COL25A1: variants seen among roughly 807,000 people sequenced by gnomAD.
COL25A1 encodes the protein collagen type XXV alpha 1 chain, also known as collagen alpha-1(XXV) chain.
COL25A1 carries 103 observed loss-of-function variants against 128.4 expected under a neutral mutation model. The ratio of observed to expected loss-of-function variants is 0.80; its 90% CI spans 0.68 to 0.94. The LOEUF (loss-of-function observed/expected upper bound fraction) is 0.94. Ranked by LOEUF, COL25A1 falls within the 40% of genes least tolerant of loss-of-function variation. The pLI, the probability that COL25A1 is intolerant of heterozygous loss-of-function variation, is 0.00. For missense variants in COL25A1, 745 were observed against 840.0 expected (o/e 0.89, Z 1.40); for synonymous variants, 279 against 277.2 (o/e 1.01, Z -0.06).
chr4:108,931,962 A>G (rs1746805058), intron 11 of COL25A1, among the ~76,000 whole-genome samples: 1 of 152,194 alleles, frequency 6.6e-6, no homozygotes, highest in African/African-American at 2.4e-5. Flanking sequence ...TGCACAACTG[A>G]AGGACATGCA....
chr4:109,285,715 A>ATT (rs1249899487), intron 3 of COL25A1, among the ~76,000 whole-genome samples: 1 of 152,202 alleles, frequency 6.6e-6, no homozygotes, highest in African/African-American at 2.4e-5. Flanking sequence ...CTATTTAAAA[A>ATT]TTACTCTAAA....
rs188813588 is a variant in COL25A1, at chr4:109,262,310, T to C, written c.367+38273A>G. Among the ~76,000 whole-genome samples the C allele has an allele frequency of 4.7e-3, 720 of 152,024 alleles. 3 individuals carry two copies. The highest frequency in any genetic ancestry group is 0.02 in the Middle Eastern group (6 of 294). On this transcript the variant is annotated intron_variant, in intron 3 of 37. Coordinates refer to ENST00000399132, the MANE Select transcript of COL25A1 (RefSeq NM_198721.4). ...GGGTGGATCATCTGGGGTCAGGAGT[T>C]CGAGACCAGCCTGGCCAACATGGCA...
At chr4:108,929,606 C>T (rs1425397114) in intron 11 of COL25A1, among the ~76,000 whole-genome samples, 1 of 152,108 alleles carries the variant, frequency 6.6e-6, no homozygotes, top group Non-Finnish European at 1.5e-5. Context: ...CTTTGGGAGG[C>T]CCATGCAAGA....
intron 16 of COL25A1, among the ~76,000 whole-genome samples, chr4:108,891,560 A>G (rs1214056395): frequency 6.6e-6 from 1 of 152,218 alleles, no homozygotes; most frequent in African/African-American, 2.4e-5. Flanking sequence ...TTGACTCTAC[A>G]AAGTTCCTAC....
chr4:109,059,436 G>T (rs1761742936), intron 3 of COL25A1, among the ~76,000 whole-genome samples: 1 of 152,198 alleles, frequency 6.6e-6, no homozygotes, highest in South Asian at 2.1e-4. Flanking sequence ...CTGCCTGAAG[G>T]AAAATAGGAG....
chr4:108,910,245 T>C (rs116399598), intron 13 of COL25A1, among the ~76,000 whole-genome samples: 393 of 152,274 alleles, frequency 2.6e-3, no homozygotes, highest in Non-Finnish European at 4.2e-3. Context: ...AGAGAATGTG[T>C]TTAATTATTA....
chr4:108,977,216 A>G (rs1450808306), intron 6 of COL25A1, among the ~76,000 whole-genome samples: 1 of 152,188 alleles, frequency 6.6e-6, no homozygotes, highest in Non-Finnish European at 1.5e-5. Flanking sequence ...TCAAAATGAG[A>G]GAAAGGGGAA....
Position 109,014,022 on chromosome 4 carries a change from T to C in COL25A1, c.421-3647A>G, listed in dbSNP as rs940435400. ...TACTGCAAACTCAGAAATGTGAACA[T>C]GTGGCTGGGTGTGGTGGCTCATGCC... On this transcript the variant is annotated intron_variant, in intron 5 of 37. Coordinates refer to ENST00000399132, the MANE Select transcript of COL25A1 (RefSeq NM_198721.4). 2.0e-5 allele frequency among the ~76,000 whole-genome samples: 3 copies of C among 152,132 alleles called. No individual in the cohort carries two copies. In the South Asian group the frequency reaches 6.2e-4, roughly 32 times the overall value.
At chr4:109,293,264 A>G (rs1033777807) in intron 3 of COL25A1, among the ~76,000 whole-genome samples, 3 of 152,114 alleles carry the variant, frequency 2.0e-5, no homozygotes, top group African/African-American at 7.2e-5. Flanking sequence ...CCAGAATTAT[A>G]TAACAATAAG....
At chr4:109,103,769 C>A (rs557096462) in intron 3 of COL25A1, among the ~76,000 whole-genome samples, 1 of 152,202 alleles carries the variant, frequency 6.6e-6, no homozygotes, top group South Asian at 2.1e-4. Context: ...GGGCTCAGAG[C>A]CAAGTTGGAT....
chr4:109,274,899 T>C (rs1396019914), intron 3 of COL25A1, among the ~76,000 whole-genome samples: 1 of 152,226 alleles, frequency 6.6e-6, no homozygotes, highest in Non-Finnish European at 1.5e-5. Context: ...TTTCAGTGTG[T>C]GTCGGCACAG....
chr4:109,239,039 T>A (rs972835242), intron 3 of COL25A1, among the ~76,000 whole-genome samples: 1 of 151,954 alleles, frequency 6.6e-6, no homozygotes, highest in African/African-American at 2.4e-5. Flanking sequence ...ATAAGGGCAA[T>A]GACAACTACT....
At chr4:109,294,217 T>C (rs1031882634) in intron 3 of COL25A1, among the ~76,000 whole-genome samples, 85 of 152,086 alleles carry the variant, frequency 5.6e-4, no homozygotes, top group African/African-American at 2.0e-3. Flanking sequence ...TTCCTCCTCC[T>C]AGAGGTCACA....
intron 5 of COL25A1, among the ~76,000 whole-genome samples, chr4:109,033,169 A>G (rs1759028215): frequency 6.6e-6 from 1 of 152,278 alleles, no homozygotes; most frequent in South Asian, 2.1e-4. Flanking sequence ...GAAAAGTTTC[A>G]GTTCAGTTCA....
chr4:108,998,766 T>G (rs1412850579), intron 6 of COL25A1, among the ~76,000 whole-genome samples: 1 of 151,890 alleles, frequency 6.6e-6, no homozygotes, highest in African/African-American at 2.4e-5. Flanking sequence ...CCAAAACAGA[T>G]ATATAGACCA....
intron 3 of COL25A1, among the ~76,000 whole-genome samples, chr4:109,196,051 T>C (rs1463832884): frequency 6.6e-6 from 1 of 152,156 alleles, no homozygotes; most frequent in Non-Finnish European, 1.5e-5. Context: ...AAAGAGTAAA[T>C]GTTGTACTTT....
rs772992196 is a variant in COL25A1, at chr4:108,859,769, T to C, written c.1243-36A>G. ...ACCAATCAAGGGAAAATCATGGGTA[T>C]TAGCTTAGCATGTAGGGTGGACTGT... On this transcript the variant is annotated intron_variant, in intron 23 of 37. Transcript: ENST00000399132. 4 of 1,523,682 alleles carry C rather than the reference T, an allele frequency of 2.6e-6. No individual in the cohort carries two copies. In the South Asian group the frequency reaches 4.5e-5, roughly 17 times the overall value. 94.4% of individuals were successfully genotyped at this position (1,523,682 alleles called of 1,614,324 possible). A position where few individuals can be genotyped will look rare whatever the true frequency, so the allele number is the denominator to read the frequency against.
At chr4:109,193,132 A>G (rs1294104392) in intron 3 of COL25A1, among the ~76,000 whole-genome samples, 1 of 152,164 alleles carries the variant, frequency 6.6e-6, no homozygotes. Context: ...GATGTAAGCA[A>G]TTTAGAAGAG....
intron 13 of COL25A1, among the ~76,000 whole-genome samples, chr4:108,907,274 G>C (rs992321993): frequency 6.6e-6 from 1 of 152,142 alleles, no homozygotes; most frequent in African/African-American, 2.4e-5. Context: ...TGGGGGAAGA[G>C]TGTTTACCTA....
Sources: gnomAD v4.1 joint callset for allele counts (sites outside exome capture counted in the v4.1 genomes callset) on GRCh38, gnomAD v4.1.1 for gene constraint, MANE v1.5 for transcripts, NCBI Gene and HGNC (gene_info 2026-07-23, HGNC 2026-07-21) for gene names.